Variants in GABRA1 observed in about 807,000 individuals in gnomAD.
GABRA1 encodes gamma-aminobutyric acid receptor subunit alpha-1.
Under a neutral mutation model 48.9 loss-of-function variants are expected in GABRA1, and 9 were observed. The observed-to-expected ratio is 0.18, with a 90% CI of 0.11 to 0.32. GABRA1 has a LOEUF of 0.32. Ranked by LOEUF, GABRA1 falls within the 10% of genes least tolerant of loss-of-function variation. The pLI is 1.00. For missense variants in GABRA1, 285 were observed against 553.8 expected (o/e 0.51, Z 4.87); for synonymous variants, 210 against 198.7 (o/e 1.06, Z -0.48).
chr5:161,886,183 G>A (rs773482943), intron 7 of GABRA1, among the ~76,000 whole-genome samples: 1 of 152,086 alleles, frequency 6.6e-6, no homozygotes, highest in Non-Finnish European at 1.5e-5. Flanking sequence ...TGCAGGGTAT[G>A]TACTCTCAAC....
At chr5:161,860,218 G>A (rs78993535) in intron 3 of GABRA1, among the ~76,000 whole-genome samples, 1,588 of 151,866 alleles carry the variant, frequency 0.01, 27 homozygotes, top group African/African-American at 0.036. Context: ...GCTACCCAAA[G>A]GAATGTTCTA....
rs368018899 is a variant in GABRA1 at position 161,865,384 on chromosome 5, G to A, written c.188-337G>A. ...GCCATGTAAAAATACTTAAGCTTAAGCTATACCAACATGTTAATGTATTTT... is the reference window on the plus strand; with the variant it reads ...GCCATGTAAAAATACTTAAGCTTAAACTATACCAACATGTTAATGTATTTT... On this transcript the variant is annotated intron_variant, in intron 3 of 9. Transcript: ENST00000393943. Among the ~76,000 whole-genome samples the A allele has an allele frequency of 2.6e-5, 4 of 152,068 alleles. No individual in the cohort carries two copies. In the South Asian group the frequency reaches 8.3e-4, roughly 31 times the overall value.
chr5:161,865,447 G>A (rs1044142736), intron 3 of GABRA1, among the ~76,000 whole-genome samples: 5 of 152,060 alleles, frequency 3.3e-5, no homozygotes, highest in Non-Finnish European at 7.4e-5. Context: ...ATTTAGGCAA[G>A]TATGTCCACT....
intron 4 of GABRA1, among the ~76,000 whole-genome samples, chr5:161,867,184 T>C (rs1581191772): frequency 6.6e-6 from 1 of 152,246 alleles, no homozygotes; most frequent in Non-Finnish European, 1.5e-5. Flanking sequence ...ATACAATGTG[T>C]TTTACTAAAT....
At chr5:161,856,931 T>C (rs2113318650) in intron 3 of GABRA1, among the ~76,000 whole-genome samples, 1 of 151,440 alleles carries the variant, frequency 6.6e-6, no homozygotes, top group African/African-American at 2.4e-5. Context: ...GGCTTTTTTT[T>C]TATTTTTGCA....
At chr5:161,876,066 G>A (rs748568807) in intron 6 of GABRA1, among the ~76,000 whole-genome samples, 21 of 151,932 alleles carry the variant, frequency 1.4e-4, no homozygotes, top group Non-Finnish European at 2.4e-4. Context: ...AATGGCAAAG[G>A]ACAGTAAGTG....
rs368360804 is a variant in GABRA1 at position 161,854,275 on chromosome 5, G to T, written c.187+5G>T. On this transcript the variant is annotated splice_donor_5th_base_variant and intron_variant, in intron 3 of 9. Coordinates refer to ENST00000393943, the MANE Select transcript of GABRA1 (RefSeq NM_001127644.2). ...GCCTGAGACCAGGATTGGGAGGTAGGTTGCATTATTGTATTTTTGTTTTAG... is the reference window on the plus strand; with the variant it reads ...GCCTGAGACCAGGATTGGGAGGTAGTTTGCATTATTGTATTTTTGTTTTAG... 3.4e-6 allele frequency: 5 copies of T among 1,457,856 alleles called. No individual in the cohort carries two copies. Among genetic ancestry groups the T allele is most frequent in the South Asian group, 3.4e-5 (3 of 87,898 alleles). The allele number at this position is 1,457,856 out of a possible 1,614,324, so 90.3% of individuals were successfully genotyped here.
chr5:161,861,165 T>A (rs1330845382), intron 3 of GABRA1, among the ~76,000 whole-genome samples: 1 of 151,774 alleles, frequency 6.6e-6, no homozygotes, highest in African/African-American at 2.4e-5. Context: ...CCTGTGAATG[T>A]GAAATAGGGT....
At chr5:161,893,673 G>T (rs1170721149) in intron 8 of GABRA1, among the ~76,000 whole-genome samples, 1 of 152,104 alleles carries the variant, frequency 6.6e-6, no homozygotes, top group Non-Finnish European at 1.5e-5. Flanking sequence ...TAATTTTGCT[G>T]CCAAATACAT....
At chr5:161,892,797 G>A (rs1755157604) in intron 8 of GABRA1, among the ~76,000 whole-genome samples, 1 of 152,042 alleles carries the variant, frequency 6.6e-6, no homozygotes, top group South Asian at 2.1e-4. Context: ...GAGGTCAGGA[G>A]ATCGAGACCA....
intron 3 of GABRA1, among the ~76,000 whole-genome samples, chr5:161,860,239 A>G (rs1757800697): frequency 6.6e-6 from 1 of 151,852 alleles, no homozygotes; most frequent in African/African-American, 2.4e-5. Flanking sequence ...GCGTGTTTAG[A>G]CAACTTGCTA....
intron 8 of GABRA1, 81 bp downstream of exon 8, chr5:161,891,131 T>TAA: frequency 8.1e-7 from 1 of 1,241,020 alleles, no homozygotes; most frequent in Non-Finnish European, 1.2e-6. Context: ...CAAAGAGAAA[T>TAA]AAAAAAAAAT....
In GABRA1 at chr5:161,854,284, T is replaced by C. The variant is rs1258017879; in HGVS notation, c.187+14T>C. The C allele has an allele frequency of 1.5e-6, 2 of 1,356,170 alleles. No individual in the cohort carries two copies. Among genetic ancestry groups the C allele is most frequent in the Non-Finnish European group, 2.1e-6 (2 of 944,936 alleles). The allele number at this position is 1,356,170 out of a possible 1,614,324, so 84.0% of individuals were successfully genotyped here. A position where few individuals can be genotyped will look rare whatever the true frequency, so the allele number is the denominator to read the frequency against. The stretch of plus-strand genomic sequence containing the variant: ...CAGGATTGGGAGGTAGGTTGCATTA[T>C]TGTATTTTTGTTTTAGAGAATAATA... On this transcript the variant is annotated intron_variant, in intron 3 of 9. Coordinates refer to ENST00000393943, the MANE Select transcript of GABRA1 (RefSeq NM_001127644.2).
chr5:161,856,677 T>A (rs1468141170), intron 3 of GABRA1, among the ~76,000 whole-genome samples: 4 of 151,356 alleles, frequency 2.6e-5, no homozygotes, highest in Admixed American at 6.6e-5. Flanking sequence ...AACTTTTTTT[T>A]AAATATTCTT....
intron 3 of GABRA1, 89 bp from the exon 4 acceptor site, chr5:161,865,632 A>G (rs1037933012): frequency 2.0e-6 from 2 of 1,019,160 alleles, no homozygotes; most frequent in African/African-American, 1.6e-5. Context: ...AAAGACAATC[A>G]ATTTCCCATT....
chr5:161,896,415 T>C (rs1755370970), intron 9 of GABRA1, among the ~76,000 whole-genome samples: 1 of 152,160 alleles, frequency 6.6e-6, no homozygotes, highest in Non-Finnish European at 1.5e-5. Context: ...ACACAGAAAT[T>C]ACCAAGAAAT....
intron 3 of GABRA1, among the ~76,000 whole-genome samples, chr5:161,863,755 T>C (rs1757947748): frequency 6.6e-6 from 1 of 152,008 alleles, no homozygotes; most frequent in Non-Finnish European, 1.5e-5. Context: ...TTGAAGCTTT[T>C]TTTTTTCTAA....
chr5:161,896,965 A>G (rs1755395506), intron 9 of GABRA1, 146 bp from the exon 10 acceptor site: 2 of 690,980 alleles, frequency 2.9e-6, no homozygotes, highest in Non-Finnish European at 5.0e-6. Context: ...TTAATTTATT[A>G]TAATAAGACA....
In GABRA1 at chr5:161,875,561, C is replaced by T. The variant is rs1269683161; in HGVS notation, c.478C>T (p.Leu160=). ...TTTGTATTCTATGTTTCCCTTAAGG[C>T]TGACAGTGAGAGCTGAATGTCCGAT... ...EDGTLLYTMR[L]TVRAECPMHL... The change falls in exon 6 of 10, where the codon CTG becomes TTG. Residue 160 remains leucine, a splice_region_variant and synonymous_variant. Coordinates refer to ENST00000393943, the MANE Select transcript of GABRA1 (RefSeq NM_001127644.2). 2.5e-6 allele frequency: 4 copies of T among 1,612,270 alleles called. No homozygotes were observed. The African/African-American group carries it at 5.3e-5, about 22-fold the overall frequency.
Sources: gnomAD v4.1 joint callset for allele counts (sites outside exome capture counted in the v4.1 genomes callset) on GRCh38, gnomAD v4.1.1 for gene constraint, MANE v1.5 for transcripts, NCBI Gene and HGNC (gene_info 2026-07-23, HGNC 2026-07-21) for gene names.